The following EML1 variants were observed in gnomAD, a reference collection of about 807,000 sequenced individuals.
EML1 encodes echinoderm microtubule-associated protein-like 1.
Under a neutral mutation model 110.4 loss-of-function variants are expected in EML1, and 27 were observed. The observed-to-expected ratio is 0.24, with a 90% CI of 0.18 to 0.34. The LOEUF (loss-of-function observed/expected upper bound fraction) is 0.34. EML1 is among the 10% of genes least tolerant of loss of function. The pLI is 1.00. For synonymous variants in EML1, 344 were observed against 385.8 expected (o/e 0.89, Z 1.27); for missense variants, 741 against 1,030.9 (o/e 0.72, Z 3.85).
intron 9 of EML1, among the ~76,000 whole-genome samples, chr14:99,902,049 G>T (rs188457816): frequency 6.6e-6 from 1 of 152,254 alleles, no homozygotes; most frequent in African/African-American, 2.4e-5. Context: ...AACTATTAGG[G>T]TCTCTTGTAT....
chr14:99,825,108 C>G (rs1225507768), intron 1 of EML1, among the ~76,000 whole-genome samples: 4 of 152,156 alleles, frequency 2.6e-5, no homozygotes, highest in Admixed American at 1.3e-4. Flanking sequence ...CTCAGCCTGA[C>G]AAGTAACTGG....
chr14:99,740,034 A>G (rs2057024429), intron 1 of EML1, among the ~76,000 whole-genome samples: 1 of 152,246 alleles, frequency 6.6e-6, no homozygotes, highest in Non-Finnish European at 1.5e-5. Flanking sequence ...GGCTAACAGC[A>G]TGTAACACAC....
intron 1 of EML1, among the ~76,000 whole-genome samples, chr14:99,830,570 G>A (rs1479439584): frequency 6.7e-6 from 1 of 149,740 alleles, no homozygotes; most frequent in Admixed American, 6.6e-5. Flanking sequence ...TGTTTTTTGA[G>A]ACAGAGTCTA....
At chr14:99,913,758 C>T (rs1012731072) in intron 13 of EML1, among the ~76,000 whole-genome samples, 9 of 152,186 alleles carry the variant, frequency 5.9e-5, no homozygotes, top group African/African-American at 4.8e-5. Context: ...GGCGTGATCT[C>T]GGCTCACTGC....
chr14:99,879,508 A>T (rs568650367), intron 4 of EML1, among the ~76,000 whole-genome samples: 2 of 152,338 alleles, frequency 1.3e-5, no homozygotes, highest in Non-Finnish European at 2.9e-5. Flanking sequence ...CCCACAGGCT[A>T]TAAAACTTCC....
chr14:99,809,332 T>A (rs1002450652), intron 1 of EML1: 7 of 159,336 alleles, frequency 4.4e-5, no homozygotes, highest in African/African-American at 1.7e-4. Context: ...GCTTGTTTTT[T>A]ATTTTATTTA....
intron 1 of EML1, chr14:99,737,869 C>T (rs1355264209): frequency 7.8e-7 from 1 of 1,289,154 alleles, no homozygotes. Context: ...CGGTGAGTGG[C>T]AGCGCTATAT....
At chr14:99,785,346 C>T (rs1048970602) in intron 1 of EML1, among the ~76,000 whole-genome samples, 13 of 152,186 alleles carry the variant, frequency 8.5e-5, no homozygotes, top group East Asian at 7.7e-4. Flanking sequence ...TTAGCCACCG[C>T]GCCCAGCCTC....
chr14:99,880,731 G>T (rs999067846), intron 4 of EML1, among the ~76,000 whole-genome samples: 3 of 152,132 alleles, frequency 2.0e-5, no homozygotes, highest in Non-Finnish European at 4.4e-5. Flanking sequence ...GAAAGATCTG[G>T]GTGTGTATCC....
chr14:99,911,699 G>A, intron 13 of EML1, 123 bp downstream of exon 13: 1 of 1,055,804 alleles, frequency 9.5e-7, no homozygotes, highest in Non-Finnish European at 1.3e-6. Context: ...CATTATATGG[G>A]AGCAATGTAT....
intron 1 of EML1, among the ~76,000 whole-genome samples, chr14:99,750,982 C>A (rs944107704): frequency 1.3e-5 from 2 of 152,096 alleles, no homozygotes; most frequent in South Asian, 4.2e-4. Context: ...CGGTTTCCCC[C>A]CCTGTGAAAT....
At chr14:99,848,851 T>C (rs927612297) in intron 1 of EML1, among the ~76,000 whole-genome samples, 3 of 151,406 alleles carry the variant, frequency 2.0e-5, no homozygotes, top group African/African-American at 7.3e-5. Context: ...TAGTCCCAGA[T>C]CCTCAGAAGG....
At chr14:99,897,651 C>T (rs183679231) in intron 7 of EML1, among the ~76,000 whole-genome samples, 312 of 152,222 alleles carry the variant, frequency 2.0e-3, no homozygotes, top group Non-Finnish European at 1.6e-3. Flanking sequence ...CAACAAACAG[C>T]GCCACCTCTT....
chr14:99,816,637 G>T (rs1437342334), intron 1 of EML1, among the ~76,000 whole-genome samples: 1 of 152,338 alleles, frequency 6.6e-6, no homozygotes, highest in East Asian at 1.9e-4. Flanking sequence ...TCTTAGTTTG[G>T]TCCAACTTTG....
At chr14:99,930,184 C>T (rs56687055) in intron 17 of EML1, among the ~76,000 whole-genome samples, 3,967 of 152,232 alleles carry the variant, frequency 0.026, 192 homozygotes, top group African/African-American at 0.091. Context: ...TGCAGGGGTG[C>T]GGGTCTGAGG....
At chr14:99,848,428 G>T (rs578183968) in intron 1 of EML1, among the ~76,000 whole-genome samples, 5 of 152,026 alleles carry the variant, frequency 3.3e-5, no homozygotes, top group Non-Finnish European at 7.4e-5. Context: ...GCTCAATTTA[G>T]CCATTCCACA....
Position 99,892,191 on chromosome 14 carries a change from C to A in EML1, c.547+964C>A, listed in dbSNP as rs1266487080. On this transcript the variant is annotated intron_variant, in intron 5 of 21. Coordinates refer to ENST00000262233, the MANE Select transcript of EML1 (RefSeq NM_004434.3). ...AAGGGAAACGCCGGGTGACACACTGCAAAGGTAGGCAGCATTTCTGAAACC... is the reference window on the plus strand; with the variant it reads ...AAGGGAAACGCCGGGTGACACACTGAAAAGGTAGGCAGCATTTCTGAAACC... The A allele has an allele frequency of 1.0e-5, 10 of 985,284 alleles. No homozygotes were observed. The East Asian group carries it at 9.1e-4, about 89-fold the overall frequency. The allele number at this position is 985,284 out of a possible 1,614,324, so 61.0% of individuals were successfully genotyped here. A position where few individuals can be genotyped will look rare whatever the true frequency, so the allele number is the denominator to read the frequency against.
chr14:99,802,707 A>G (rs1355493515), intron 1 of EML1, among the ~76,000 whole-genome samples: 4 of 152,028 alleles, frequency 2.6e-5, no homozygotes, highest in African/African-American at 7.2e-5. Flanking sequence ...CATATGGGAT[A>G]CAAGCTGAGG....
chr14:99,936,153 T>A lies in EML1; in HGVS notation c.2007+27T>A. 1.9e-6 allele frequency: 3 copies of A among 1,613,168 alleles called. No homozygotes were observed. Among genetic ancestry groups the A allele is most frequent in the Non-Finnish European group, 2.5e-6 (3 of 1,179,154 alleles). On this transcript the variant is annotated intron_variant, in intron 18 of 21. Transcript: ENST00000262233. This position sits in a 1 kb window ranked among gnomAD's most constrained non-coding sequence, Gnocchi z 5.5. ...TAAGCGCTGACAGTGGACCTGTCGC[T>A]TCTCATGCACTGCGTATAGTTTAAC...
Sources: allele counts gnomAD v4.1 joint callset (sites outside exome capture counted in the v4.1 genomes callset), GRCh38; gene constraint gnomAD v4.1.1; non-coding constraint Gnocchi (gnomAD v3.1); transcripts MANE v1.5; gene names NCBI Gene and HGNC (gene_info 2026-07-23, HGNC 2026-07-21).